Variants in MCTP1 observed in about 807,000 individuals in gnomAD.
MCTP1 encodes multiple C2 and transmembrane domain-containing protein 1.
Under a neutral mutation model 120.6 loss-of-function variants are expected in MCTP1, and 69 were observed. The ratio of observed to expected loss-of-function variants is 0.57; its 90% CI spans 0.47 to 0.70. The LOEUF (loss-of-function observed/expected upper bound fraction) is 0.70, where lower values mean the gene tolerates loss of function less well. MCTP1 is among the 30% of genes least tolerant of loss of function. The pLI is 0.00. For synonymous variants in MCTP1, 529 were observed against 493.1 expected (o/e 1.07, Z -0.96); for missense variants, 1,203 against 1,248.8 (o/e 0.96, Z 0.55).
chr5:94,790,642 A>C (rs1778694953), intron 18 of MCTP1, among the ~76,000 whole-genome samples: 1 of 152,218 alleles, frequency 6.6e-6, no homozygotes, highest in Admixed American at 6.5e-5. Context: ...CCTAAGCAGC[A>C]ACTATATGAA....
chr5:94,901,726 T>C (rs1181452845), intron 10 of MCTP1, among the ~76,000 whole-genome samples: 2 of 152,158 alleles, frequency 1.3e-5, no homozygotes, highest in African/African-American at 4.8e-5. Context: ...ATCTCAGTGT[T>C]CTGATCACCG....
At chr5:95,127,384 C>G (rs1280326563) in intron 1 of MCTP1, among the ~76,000 whole-genome samples, 1 of 152,168 alleles carries the variant, frequency 6.6e-6, no homozygotes, top group Non-Finnish European at 1.5e-5. Context: ...GATACTGACA[C>G]AGGACAGACC....
intron 1 of MCTP1, among the ~76,000 whole-genome samples, chr5:95,145,539 A>G (rs1760311440): frequency 6.6e-6 from 1 of 152,082 alleles, no homozygotes; most frequent in South Asian, 2.1e-4. Context: ...TTTGTCATGA[A>G]TGGCTCTTAT....
intron 11 of MCTP1, among the ~76,000 whole-genome samples, 178 bp from the exon 12 acceptor site, chr5:94,889,150 T>C (rs1801977582): frequency 6.6e-6 from 1 of 152,192 alleles, no homozygotes; most frequent in Non-Finnish European, 1.5e-5. Context: ...GGAAATTGCA[T>C]GTGCTAGCTG....
intron 12 of MCTP1, among the ~76,000 whole-genome samples, chr5:94,876,091 C>T (rs983992626): frequency 6.6e-6 from 1 of 152,056 alleles, no homozygotes; most frequent in Admixed American, 6.6e-5. Flanking sequence ...AAAGCATGGA[C>T]TATAGTTGTA....
At chr5:95,073,903 G>T (rs887787851) in intron 1 of MCTP1, among the ~76,000 whole-genome samples, 3 of 152,074 alleles carry the variant, frequency 2.0e-5, no homozygotes, top group African/African-American at 7.2e-5. Flanking sequence ...ACGAGGTCAG[G>T]AGTTCAAGAC....
intron 1 of MCTP1, among the ~76,000 whole-genome samples, chr5:95,193,636 C>G (rs916154470): frequency 4.6e-5 from 7 of 152,040 alleles, no homozygotes; most frequent in Admixed American, 3.3e-4. Flanking sequence ...AAACTACGAA[C>G]CATTAACATG....
intron 19 of MCTP1, among the ~76,000 whole-genome samples, chr5:94,732,321 T>C (rs1763274510): frequency 6.6e-6 from 1 of 152,092 alleles, no homozygotes; most frequent in African/African-American, 2.4e-5. Flanking sequence ...ATTATGAGAC[T>C]TCGTGATTTT....
At chr5:94,955,166 C>T (rs533579298) in intron 2 of MCTP1, among the ~76,000 whole-genome samples, 15 of 152,268 alleles carry the variant, frequency 9.9e-5, no homozygotes, top group East Asian at 7.7e-4. Context: ...TGCAAGGGTT[C>T]GGGGAACTCC....
chr5:95,077,175 T>A (rs780320672), intron 1 of MCTP1, among the ~76,000 whole-genome samples: 1 of 152,242 alleles, frequency 6.6e-6, no homozygotes, highest in Non-Finnish European at 1.5e-5. Context: ...AGATGCTATA[T>A]ACTTTTGTAA....
intron 1 of MCTP1, chr5:95,081,339 A>G (rs968802130): frequency 7.5e-6 from 9 of 1,206,244 alleles, no homozygotes; most frequent in Non-Finnish European, 1.1e-5. Context: ...GTGAGAAGGC[A>G]TTTTTCTAAG....
At chr5:95,197,100 G>T (rs2152542216) in intron 1 of MCTP1, among the ~76,000 whole-genome samples, 1 of 152,240 alleles carries the variant, frequency 6.6e-6, no homozygotes, top group Admixed American at 6.5e-5. Context: ...TCATTAGCAA[G>T]AAACTTCTAT....
chr5:94,912,241 A>G (rs13183108), intron 9 of MCTP1, among the ~76,000 whole-genome samples: 2 of 151,884 alleles, frequency 1.3e-5, no homozygotes, highest in Non-Finnish European at 2.9e-5. Flanking sequence ...CCTGGCTAAC[A>G]TGGTGAAACC....
At position 95,061,413 on chromosome 5, in the gene MCTP1, T is replaced by G. The variant is rs1749105579; in HGVS notation, c.721-43929A>C. Among the ~76,000 whole-genome samples the G allele has an allele frequency of 5.7e-4, 6 of 10,490 alleles. 1 individual carries two copies. The highest frequency in any genetic ancestry group is 2.0e-3 in the African/African-American group (5 of 2,548). The allele number at this position is 10,490 out of a possible 152,430, so 6.9% of individuals were successfully genotyped here. ...TTTTCACAAACCCCTTAAGGGTTTTTTTTTTTTTTTTTTTTTTTTTTTTTT... is the reference window on the plus strand; with the variant it reads ...TTTTCACAAACCCCTTAAGGGTTTTGTTTTTTTTTTTTTTTTTTTTTTTTT... On this transcript the variant is annotated intron_variant, in intron 1 of 22. Coordinates refer to ENST00000515393, the MANE Select transcript of MCTP1 (RefSeq NM_024717.7).
intron 3 of MCTP1, among the ~76,000 whole-genome samples, chr5:94,947,577 T>TATATATATATATAGAGAGAGAG: frequency 2.5e-4 from 12 of 47,388 alleles, no homozygotes; most frequent in East Asian, 4.4e-4. Context: ...TATATATATA[T>TATATATATATATAGAGAGAGAG]AGAGAGAGAG....
At chr5:95,274,179 G>T (rs574009949) in intron 1 of MCTP1, among the ~76,000 whole-genome samples, 4 of 152,092 alleles carry the variant, frequency 2.6e-5, no homozygotes, top group Non-Finnish European at 5.9e-5. Context: ...TTTCAGTCCC[G>T]CTACTGACTT....
chr5:95,089,515 TG>T (rs1360065327), intron 1 of MCTP1, among the ~76,000 whole-genome samples: 2 of 152,212 alleles, frequency 1.3e-5, no homozygotes, highest in African/African-American at 2.4e-5. Context: ...TGGAATTGAT[TG>T]GGTAAAAATA....
intron 17 of MCTP1, among the ~76,000 whole-genome samples, chr5:94,833,409 C>G (rs1789004969): frequency 6.6e-6 from 1 of 152,066 alleles, no homozygotes; most frequent in Non-Finnish European, 1.5e-5. Context: ...AAACTATTAT[C>G]TAAAGACTGA....
chr5:94,963,474 CT>C (rs70978150), intron 2 of MCTP1, among the ~76,000 whole-genome samples: 13,517 of 141,658 alleles, frequency 0.095, 995 homozygotes, highest in African/African-American at 0.21. Context: ...CACTTGTTTT[CT>C]TTTTTTTTTT....
Sources: gnomAD v4.1 joint callset for allele counts (sites outside exome capture counted in the v4.1 genomes callset) on GRCh38, gnomAD v4.1.1 for gene constraint, MANE v1.5 for transcripts, NCBI Gene and HGNC (gene_info 2026-07-23, HGNC 2026-07-21) for gene names.